Variants in DYNC1I1 observed in about 807,000 individuals in gnomAD.
The protein encoded by DYNC1I1 is cytoplasmic dynein 1 intermediate chain 1.
In DYNC1I1, 43 loss-of-function variants were observed where a neutral mutation model predicts 86.6. The observed-to-expected ratio is 0.50, with a 90% confidence interval of 0.39 to 0.64. The LOEUF (loss-of-function observed/expected upper bound fraction) is 0.64. Ranked by LOEUF, DYNC1I1 falls within the 30% of genes least tolerant of loss-of-function variation. The probability of loss-of-function intolerance (pLI) is 0.00; values close to 1 mark genes in which losing one functional copy is unlikely to be tolerated. For missense variants in DYNC1I1, 604 were observed against 788.8 expected, an observed-to-expected ratio of 0.77 and a Z score of 2.81; for synonymous variants, 262 against 283.7, an observed-to-expected ratio of 0.92 and a Z score of 0.77.
At chr7:95,845,966 C>T (rs370122478) in intron 5 of DYNC1I1, among the ~76,000 whole-genome samples, 1 of 152,062 alleles carries the variant, frequency 6.6e-6, no homozygotes, top group African/African-American at 2.4e-5. Context: ...TTTCAAAGAA[C>T]AATATTTCTT....
chr7:96,051,554 A>T (rs1339544429), intron 14 of DYNC1I1, among the ~76,000 whole-genome samples: 1 of 152,228 alleles, frequency 6.6e-6, no homozygotes, highest in Non-Finnish European at 1.5e-5. Context: ...CATTGTAGAC[A>T]TTGTACAATC....
intron 4 of DYNC1I1, among the ~76,000 whole-genome samples, chr7:95,816,062 G>A (rs1794940026): frequency 6.6e-6 from 1 of 150,896 alleles, no homozygotes; most frequent in Admixed American, 6.6e-5. Flanking sequence ...CCATTGCCCA[G>A]GCTGGAGTAC....
At chr7:95,905,233 G>A (rs147091357) in intron 6 of DYNC1I1, among the ~76,000 whole-genome samples, 106 of 152,286 alleles carry the variant, frequency 7.0e-4, no homozygotes, top group African/African-American at 2.5e-3. Context: ...GGCTTGGAAA[G>A]TAATTGAGGT....
chr7:95,958,968 C>G (rs1397360004), intron 6 of DYNC1I1, among the ~76,000 whole-genome samples: 1 of 152,100 alleles, frequency 6.6e-6, no homozygotes, highest in Non-Finnish European at 1.5e-5. Flanking sequence ...GGCTGGTCTA[C>G]ATAGAGGAGA....
chr7:96,096,155 C>T (rs1404912966), intron 16 of DYNC1I1, among the ~76,000 whole-genome samples: 2 of 152,088 alleles, frequency 1.3e-5, no homozygotes, highest in African/African-American at 4.8e-5. Flanking sequence ...ATACTTTGCA[C>T]AATGAAGTTG....
chr7:95,773,653 C>A (rs901282349), intron 1 of DYNC1I1, among the ~76,000 whole-genome samples: 1 of 152,298 alleles, frequency 6.6e-6, no homozygotes, highest in Non-Finnish European at 1.5e-5. Context: ...GGGGCAGGAA[C>A]AAGTAGCCAG....
intron 6 of DYNC1I1, among the ~76,000 whole-genome samples, chr7:95,903,546 A>C (rs1043750952): frequency 3.9e-5 from 6 of 152,196 alleles, no homozygotes; most frequent in East Asian, 1.9e-4. Context: ...CAGACAGGAG[A>C]CTTAATGTTT....
chr7:96,003,302 C>T (rs1028469931), intron 10 of DYNC1I1, among the ~76,000 whole-genome samples: 31 of 152,186 alleles, frequency 2.0e-4, no homozygotes, highest in African/African-American at 7.0e-4. Context: ...TAAATGAACC[C>T]TCTTGTACCT....
chr7:95,995,051 T>C lies in DYNC1I1; in HGVS notation c.844-897T>C, dbSNP rs569649459. On this transcript the variant is annotated intron_variant, in intron 9 of 16. Transcript: ENST00000447467. ...TCACGAGGTCAGGAGATCGAGACCA[T>C]CCTGGCTAACACGGTGAAACCCCGT... Among the ~76,000 whole-genome samples the C allele has an allele frequency of 4.6e-3, 693 of 151,922 alleles. 5 individuals are homozygous for C. The highest frequency in any genetic ancestry group is 0.016 in the African/African-American group (652 of 41,462).
intron 6 of DYNC1I1, among the ~76,000 whole-genome samples, chr7:95,874,498 C>T (rs1396259063): frequency 2.6e-5 from 4 of 152,196 alleles, no homozygotes; most frequent in African/African-American, 4.8e-5. Context: ...TAGCTGCTAT[C>T]GACTGGATTG....
chr7:96,084,230 G>A (rs140831454), intron 16 of DYNC1I1, among the ~76,000 whole-genome samples: 391 of 150,324 alleles, frequency 2.6e-3, no homozygotes, highest in African/African-American at 9.0e-3. Flanking sequence ...AGGAAGGAAC[G>A]CCACATTTTC....
At chr7:95,862,143 T>C (rs1789899516) in intron 5 of DYNC1I1, among the ~76,000 whole-genome samples, 1 of 152,108 alleles carries the variant, frequency 6.6e-6, no homozygotes, top group South Asian at 2.1e-4. Flanking sequence ...GGTTAGGCAA[T>C]GATTTTTTTA....
At chr7:96,098,863 C>A (rs1051093050), downstream of DYNC1I1, among the ~76,000 whole-genome samples, 3 of 152,132 alleles carry the variant, frequency 2.0e-5, no homozygotes, top group Non-Finnish European at 4.4e-5. Context: ...GCGGTTGAGT[C>A]ATGAAAAACA....
chr7:96,052,811 G>A (rs1352155591), intron 14 of DYNC1I1, among the ~76,000 whole-genome samples: 1 of 152,160 alleles, frequency 6.6e-6, no homozygotes, highest in Non-Finnish European at 1.5e-5. Context: ...GCGATGGAGT[G>A]TAGACTTTCT....
At chr7:95,895,734 G>C (rs1390401940) in intron 6 of DYNC1I1, among the ~76,000 whole-genome samples, 1 of 152,080 alleles carries the variant, frequency 6.6e-6, no homozygotes, top group Non-Finnish European at 1.5e-5. Context: ...CAAAAAAAAA[G>C]TGAGAAATGG....
rs2116037353 is a variant in DYNC1I1, at chr7:96,039,303, A to C, written c.1391A>C (p.Glu464Ala). Residue 464 changes from glutamate to alanine, a missense_variant, in exon 14 of 17, where the codon GAA becomes GCA. Transcript: ENST00000447467. ...AAAGCAGGTATTGGTGAGGTCTTTG[A>C]AGGTCACCAAGGGCCAGTGACAGGA... The part of the protein sequence containing the change: ...GSKAGIGEVF[E>A]GHQGPVTGIN... 3.7e-6 allele frequency: 6 copies of C among 1,614,060 alleles called. No individual in the cohort carries two copies. The South Asian group carries it at 6.6e-5, about 18-fold the overall frequency.
chr7:96,060,454 A>C (rs994371498), intron 14 of DYNC1I1, among the ~76,000 whole-genome samples: 2 of 152,218 alleles, frequency 1.3e-5, no homozygotes, highest in Non-Finnish European at 2.9e-5. Context: ...ACAATCCCTC[A>C]AGAAGGAAAC....
intron 14 of DYNC1I1, among the ~76,000 whole-genome samples, chr7:96,067,843 T>A (rs754902064): frequency 4.6e-5 from 7 of 152,066 alleles, no homozygotes; most frequent in Non-Finnish European, 8.8e-5. Flanking sequence ...TTCCCCAACC[T>A]CCTCCTCCTA....
chr7:95,959,040 G>T (rs1792793841), intron 6 of DYNC1I1, among the ~76,000 whole-genome samples: 1 of 152,204 alleles, frequency 6.6e-6, no homozygotes. Context: ...TTGAAGCTAT[G>T]CTTTGAAGGA....
Sources: gnomAD v4.1 joint callset for allele counts (sites outside exome capture counted in the v4.1 genomes callset) on GRCh38, gnomAD v4.1.1 for gene constraint, MANE v1.5 for transcripts, NCBI Gene and HGNC (gene_info 2026-07-23, HGNC 2026-07-21) for gene names.